The following MYT1L variants were observed in gnomAD, a reference collection of about 807,000 sequenced individuals.
MYT1L encodes the protein myelin transcription factor 1 like.
MYT1L carries 12 observed loss-of-function variants against 126.7 expected under a neutral mutation model. That is an observed-to-expected ratio of 0.09 (90% CI 0.06 to 0.15). MYT1L has a LOEUF of 0.15. Among genes scored for constraint, MYT1L ranks in the 10% least tolerant of loss-of-function variants. The pLI is 1.00. For synonymous variants in MYT1L, 541 were observed against 604.2 expected (o/e 0.90, Z 1.53); for missense variants, 979 against 1,585.2 (o/e 0.62, Z 6.49).
rs757430784 is a variant in MYT1L at position 1,922,428 on chromosome 2, G to A, written c.1341C>T (p.Ala447=). 6.2e-7 allele frequency: 1 copy of A among 1,613,852 alleles called. No individual in the cohort carries two copies. ...AIALETERAK[A]MREKMAMEAG... ...CTTCCATGGCCATCTTCTCCCTCAT[G>A]GCCTTTGCTCTTTCCGTTTCCAAAG... is the stretch of plus-strand genomic sequence containing the variant. The change falls in exon 10 of 25, where the codon GCC becomes GCT. Residue 447 remains alanine, a synonymous_variant. Coordinates refer to ENST00000647738, the MANE Select transcript of MYT1L (RefSeq NM_001303052.2). The surrounding 1 kb of genome is among the most constrained non-coding windows in gnomAD (Gnocchi z 7.4).
At chr2:2,044,579 C>G (rs927667841) in intron 4 of MYT1L, among the ~76,000 whole-genome samples, 2 of 152,190 alleles carry the variant, frequency 1.3e-5, no homozygotes, top group Non-Finnish European at 2.9e-5. Context: ...GAGACAAAGC[C>G]TTCTTAGAAT....
At chr2:2,010,364 G>T (rs896196466) in intron 4 of MYT1L, among the ~76,000 whole-genome samples, 2 of 152,100 alleles carry the variant, frequency 1.3e-5, no homozygotes, top group African/African-American at 4.8e-5. Context: ...AAGTCTGAAG[G>T]CTGACTGTAT....
intron 4 of MYT1L, among the ~76,000 whole-genome samples, chr2:2,019,264 T>C (rs2064777617): frequency 1.3e-5 from 2 of 152,084 alleles, no homozygotes; most frequent in African/African-American, 4.8e-5. Flanking sequence ...TAAGATTTGA[T>C]GGTTTTATAA....
intron 3 of MYT1L, among the ~76,000 whole-genome samples, chr2:2,117,219 C>T (rs1559060150): frequency 6.6e-6 from 1 of 152,188 alleles, no homozygotes; most frequent in African/African-American, 2.4e-5. Context: ...AAGATAAATA[C>T]AGCAGTTATC....
chr2:2,211,603 C>T (rs765084998), intron 2 of MYT1L, among the ~76,000 whole-genome samples: 17 of 151,952 alleles, frequency 1.1e-4, no homozygotes, highest in African/African-American at 2.9e-4. Flanking sequence ...GTCAGGAGTT[C>T]GAGAACAGCC....
intron 2 of MYT1L, among the ~76,000 whole-genome samples, chr2:2,267,079 G>GT (rs2095150190): frequency 6.6e-6 from 1 of 152,344 alleles, no homozygotes; most frequent in Non-Finnish European, 1.5e-5. Flanking sequence ...GCCAGGTGGG[G>GT]AAACTGAGCC....
intron 9 of MYT1L, among the ~76,000 whole-genome samples, chr2:1,941,313 C>T (rs1016221486): frequency 7.2e-5 from 11 of 152,270 alleles, no homozygotes; most frequent in South Asian, 6.2e-4. Flanking sequence ...GCTTTCCAAA[C>T]GGGTGAGAAC....
chr2:1,860,926 C>T (rs1039366061), intron 18 of MYT1L, among the ~76,000 whole-genome samples: 1 of 152,034 alleles, frequency 6.6e-6, no homozygotes, highest in Non-Finnish European at 1.5e-5. Flanking sequence ...GAGACTAAGA[C>T]GGAGGATCCA....
At position 2,179,448 on chromosome 2, in the gene MYT1L, G is replaced by C. The variant is rs149477845; in HGVS notation, c.-420-6460C>G. 5.3e-3 allele frequency among the ~76,000 whole-genome samples: 812 copies of C among 152,278 alleles called. 8 individuals carry two copies. Among genetic ancestry groups the C allele is most frequent in the African/African-American group, 0.019 (780 of 41,556 alleles). ...TTCACGCTGAGAGTGGAATCTCTAA[G>C]AACATGCCTCTGTTGTGGATGCCTC... On this transcript the variant is annotated intron_variant, in intron 2 of 24. Transcript: ENST00000647738.
chr2:1,893,825 C>T (rs940615360), intron 14 of MYT1L, among the ~76,000 whole-genome samples: 2 of 152,154 alleles, frequency 1.3e-5, no homozygotes, highest in African/African-American at 4.8e-5. Flanking sequence ...AAGGAGTCCT[C>T]ATTGACAAGG....
chr2:2,173,024 T>A (rs1444903740), intron 2 of MYT1L, 36 bp from the exon 3 acceptor site: 2 of 152,226 alleles, frequency 1.3e-5, no homozygotes, highest in Non-Finnish European at 2.9e-5. Context: ...ATACCTTAAG[T>A]AAGAGAAGGG....
intron 2 of MYT1L, among the ~76,000 whole-genome samples, chr2:2,243,479 T>C (rs887519315): frequency 1.3e-5 from 2 of 152,220 alleles, no homozygotes; most frequent in African/African-American, 2.4e-5. Context: ...ACTAATTGAC[T>C]TCATAATTTT....
At chr2:2,066,476 C>T (rs2073896712) in intron 3 of MYT1L, among the ~76,000 whole-genome samples, 1 of 152,190 alleles carries the variant, frequency 6.6e-6, no homozygotes, top group Non-Finnish European at 1.5e-5. Flanking sequence ...AATAGCATGG[C>T]TCATAAATAT....
chr2:2,150,243 C>CT (rs1355933567), intron 3 of MYT1L, among the ~76,000 whole-genome samples: 2 of 152,120 alleles, frequency 1.3e-5, no homozygotes, highest in African/African-American at 4.8e-5. Flanking sequence ...GGTGAACTTG[C>CT]TCTGGGACTT....
At chr2:2,185,610 G>A (rs1221983595) in intron 2 of MYT1L, among the ~76,000 whole-genome samples, 6 of 141,536 alleles carry the variant, frequency 4.2e-5, no homozygotes, top group African/African-American at 5.3e-5. Context: ...GGGCCTTCCC[G>A]AGTCCCGCGT....
At chr2:2,187,436 A>C (rs2092290922) in intron 2 of MYT1L, among the ~76,000 whole-genome samples, 1 of 151,646 alleles carries the variant, frequency 6.6e-6, no homozygotes, top group Non-Finnish European at 1.5e-5. Context: ...CCTTAATTAC[A>C]CGGCGCGTGC....
At chr2:2,081,609 T>G (rs904377159) in intron 3 of MYT1L, among the ~76,000 whole-genome samples, 3 of 152,206 alleles carry the variant, frequency 2.0e-5, no homozygotes, top group African/African-American at 7.2e-5. Flanking sequence ...TTTACAAGCA[T>G]GTACTGAAAA....
At chr2:1,947,705 A>G (rs2057363523) in intron 8 of MYT1L, among the ~76,000 whole-genome samples, 1 of 152,208 alleles carries the variant, frequency 6.6e-6, no homozygotes, top group South Asian at 2.1e-4. Flanking sequence ...TAGTGGAGGA[A>G]GAGGGACAAT....
chr2:1,854,360 A>G (rs1450660325), intron 18 of MYT1L, among the ~76,000 whole-genome samples: 2 of 152,100 alleles, frequency 1.3e-5, no homozygotes, highest in African/African-American at 4.8e-5. Context: ...ATGTAAAGAG[A>G]TTAATGATAC....
Sources: allele counts gnomAD v4.1 joint callset (sites outside exome capture counted in the v4.1 genomes callset), GRCh38; gene constraint gnomAD v4.1.1; non-coding constraint Gnocchi (gnomAD v3.1); transcripts MANE v1.5; gene names NCBI Gene and HGNC (gene_info 2026-07-23, HGNC 2026-07-21).